The following ZNF500 variants were observed in gnomAD, a reference collection of about 807,000 sequenced individuals.
The protein encoded by ZNF500 is zinc finger protein with KRAB and SCAN domains 18.
ZNF500 carries 31 observed loss-of-function variants against 30.1 expected under a neutral mutation model. That is an observed-to-expected ratio of 1.03 (90% CI 0.77 to 1.39). The LOEUF (loss-of-function observed/expected upper bound fraction) is 1.39, where lower values mean the gene tolerates loss of function less well. Ranked by LOEUF, ZNF500 falls within the 40% of genes most tolerant of loss-of-function variation. The pLI is 0.00. For missense variants in ZNF500, 817 were observed against 657.8 expected, an observed-to-expected ratio of 1.24 and a Z score of -2.65; for synonymous variants, 392 against 282.0, an observed-to-expected ratio of 1.39 and a Z score of -3.91.
intron 2 of ZNF500, 108 bp downstream of exon 2, chr16:4,765,457 G>A (rs1365430464): frequency 6.2e-6 from 9 of 1,460,072 alleles, no homozygotes; most frequent in Admixed American, 2.3e-5. Flanking sequence ...AAGGGCTCAG[G>A]GGCCAGGCAG....
At chr16:4,761,684 A>G (rs1407398958) in intron 4 of ZNF500, among the ~76,000 whole-genome samples, 1 of 149,986 alleles carries the variant, frequency 6.7e-6, no homozygotes, top group Non-Finnish European at 1.5e-5. Context: ...TGTCCCATTA[A>G]AAAAAAAACA....
chr16:4,761,437 T>A (rs1309115933), intron 4 of ZNF500, among the ~76,000 whole-genome samples: 2 of 149,170 alleles, frequency 1.3e-5, no homozygotes, highest in Non-Finnish European at 3.0e-5. Context: ...CAAAACTCTG[T>A]CTCAAAAAAA....
Position 4,751,533 on chromosome 16 carries a change from T to C in ZNF500, c.*843A>G. On this transcript the variant is annotated 3_prime_UTR_variant, in exon 6 of 6. Transcript: ENST00000219478. ...GAATGCTGCAGAGCCCCGGGCTCCA[T>C]TTGGAAACTCTGGCAGGATGAAGAA... 6.6e-7 allele frequency: 1 copy of C among 1,522,544 alleles called. No homozygotes were observed. Among genetic ancestry groups the C allele is most frequent in the Non-Finnish European group, 8.8e-7 (1 of 1,140,686 alleles). The allele number at this position is 1,522,544 out of a possible 1,614,324, so 94.3% of individuals were successfully genotyped here.
At chr16:4,746,891 G>A, downstream of ZNF500, 2 of 1,503,066 alleles carry the variant, frequency 1.3e-6, no homozygotes, top group Non-Finnish European at 1.8e-6. Context: ...ACCAGGTGGA[G>A]TGGGCACATC....
downstream of ZNF500, chr16:4,747,516 G>T (rs762845674): frequency 1.1e-5 from 18 of 1,613,142 alleles, no homozygotes; most frequent in Non-Finnish European, 1.5e-5. Context: ...TGTGCCAAGG[G>T]GCAGAGCGCC....
intron 5 of ZNF500, among the ~76,000 whole-genome samples, chr16:4,757,935 CTT>C (rs1010508210): frequency 7.5e-6 from 1 of 132,508 alleles, no homozygotes; most frequent in Non-Finnish European, 1.6e-5. Context: ...GAGTTTCGCT[CTT>C]GTTGCCCAGG....
At position 4,752,189 on chromosome 16, in the gene ZNF500, C is replaced by G; in HGVS notation, c.*187G>C. On this transcript the variant is annotated 3_prime_UTR_variant, in exon 6 of 6. Transcript: ENST00000219478. ...TGGACACTCAGAGCCTGTCCTTGCCCTTGTTCTGCACCCAGTGCCCAGCTT... is the reference window on the plus strand; with the variant it reads ...TGGACACTCAGAGCCTGTCCTTGCCGTTGTTCTGCACCCAGTGCCCAGCTT... The G allele has an allele frequency of 1.4e-6, 2 of 1,415,056 alleles. No individual in the cohort carries two copies. The highest frequency in any genetic ancestry group is 1.8e-6 in the Non-Finnish European group (2 of 1,090,680). 87.7% of individuals were successfully genotyped at this position (1,415,056 alleles called of 1,614,324 possible).
intron 5 of ZNF500, among the ~76,000 whole-genome samples, chr16:4,759,106 A>T (rs2082170111): frequency 6.6e-6 from 1 of 151,112 alleles, no homozygotes; most frequent in Admixed American, 6.6e-5. Flanking sequence ...CTACTTTGGG[A>T]GGCTGAGGCA....
rs1482752800 is a variant in ZNF500 at position 4,752,830 on chromosome 16, C to A, written c.989G>T (p.Cys330Phe). The A allele has an allele frequency of 2.5e-6, 4 of 1,614,138 alleles. No individual in the cohort carries two copies. The highest frequency in any genetic ancestry group is 1.3e-5 in the African/African-American group (1 of 74,962). ...GADKPYTCPE[C>F]GKGFSKTSHL... Reference sequence around the variant, plus strand: ...GGACGTCTTGCTGAAGCCTTTGCCACATTCGGGGCAGGTGTACGGCTTGTC... The same window carrying A: ...GGACGTCTTGCTGAAGCCTTTGCCAAATTCGGGGCAGGTGTACGGCTTGTC... The change falls in exon 6 of 6, where the codon TGT becomes TTT. Residue 330 changes from cysteine (C) to phenylalanine (F), a missense_variant. By Grantham distance (205) the Cys-to-Phe change is radical (BLOSUM62 -2). Coordinates refer to ENST00000219478, the MANE Select transcript of ZNF500 (RefSeq NM_021646.4).
downstream of ZNF500, chr16:4,747,477 G>C (rs746265671): frequency 6.2e-7 from 1 of 1,613,270 alleles, no homozygotes; most frequent in Non-Finnish European, 8.5e-7. Flanking sequence ...GCTGGATCAC[G>C]AACTGGGAGG....
intron 4 of ZNF500, among the ~76,000 whole-genome samples, chr16:4,761,668 A>C (rs1271131163): frequency 6.6e-6 from 1 of 151,170 alleles, no homozygotes; most frequent in Non-Finnish European, 1.5e-5. Flanking sequence ...CAGCACAGCG[A>C]GACTGTGTCC....
In ZNF500 at chr16:4,752,073, C is replaced by T; in HGVS notation, c.*303G>A. 7.7e-7 allele frequency: 1 copy of T among 1,303,860 alleles called. No individual in the cohort carries two copies. Among genetic ancestry groups the T allele is most frequent in the Non-Finnish European group, 9.7e-7 (1 of 1,028,920 alleles). 80.8% of individuals were successfully genotyped at this position (1,303,860 alleles called of 1,614,324 possible). The stretch of plus-strand genomic sequence containing the variant: ...CCTCCCAGGCCCTTCAGGAGCCAGC[C>T]CCACGAACACCTTGAGTGTCGGCTT... On this transcript the variant is annotated 3_prime_UTR_variant, in exon 6 of 6. Coordinates refer to ENST00000219478, the MANE Select transcript of ZNF500 (RefSeq NM_021646.4).
chr16:4,745,885 C>G (rs930960098), downstream of ZNF500, among the ~76,000 whole-genome samples: 1 of 145,630 alleles, frequency 6.9e-6, no homozygotes, highest in African/African-American at 2.5e-5. Context: ...ACCCAGGAGG[C>G]GGAGGTTGCA....
At position 4,762,566 on chromosome 16, in the gene ZNF500, T is replaced by C. The variant is rs1225382533; in HGVS notation, c.598+7A>G. ...ACTTCTCATTCCTCCAAAGGGGTGCTACTCACCTCTCTCTGGCCACAACAG... is the reference window on the plus strand; with the variant it reads ...ACTTCTCATTCCTCCAAAGGGGTGCCACTCACCTCTCTCTGGCCACAACAG... On this transcript the variant is annotated splice_region_variant and intron_variant, in intron 3 of 5. Coordinates refer to ENST00000219478, the MANE Select transcript of ZNF500 (RefSeq NM_021646.4). 2 of 1,608,858 alleles carry C rather than the reference T, an allele frequency of 1.2e-6. No homozygotes were observed. Among genetic ancestry groups the C allele is most frequent in the Non-Finnish European group, 1.7e-6 (2 of 1,177,380 alleles).
chr16:4,747,155 G>A (rs773794050), downstream of ZNF500: 26 of 1,204,170 alleles, frequency 2.2e-5, no homozygotes, highest in South Asian at 1.9e-4. Context: ...TGAGGGGGAC[G>A]GCACAGCTTT....
At chr16:4,745,912 C>T (rs2082009670), downstream of ZNF500, among the ~76,000 whole-genome samples, 2 of 146,124 alleles carry the variant, frequency 1.4e-5, no homozygotes, top group Admixed American at 7.0e-5. Flanking sequence ...AAGATCATGC[C>T]ACTGCAGTCC....
Position 4,765,611 on chromosome 16 carries a change from A to G in ZNF500, c.368T>C (p.Val123Ala), listed in dbSNP as rs2082256007. Residue 123 changes from valine to alanine, a missense_variant, in exon 2 of 6, where the codon GTC becomes GCC. Coordinates refer to ENST00000219478, the MANE Select transcript of ZNF500 (RefSeq NM_021646.4). ...CTTCCGCTGCAGCCCTTCCACAAGG[A>G]CCACGGCCTCCTCACCGCTCTCCGG... ...QQPESGEEAV[V>A]LVEGLQRKPR... 2 of 1,612,372 alleles carry G rather than the reference A, an allele frequency of 1.2e-6. No homozygotes were observed. The highest frequency in any genetic ancestry group is 2.7e-5 in the African/African-American group (2 of 74,980).
chr16:4,763,613 T>C (rs2082231624), intron 2 of ZNF500: 2 of 985,340 alleles, frequency 2.0e-6, no homozygotes, highest in Non-Finnish European at 2.4e-6. Context: ...TCCACACCTC[T>C]AAGGGAGCGT....
At chr16:4,758,413 G>A (rs549153526) in intron 5 of ZNF500, 258 of 152,316 alleles carry the variant, frequency 1.7e-3, no homozygotes, top group Non-Finnish European at 3.1e-3. Flanking sequence ...CTTGGGAGCC[G>A]GGAGGGCTGG....
Sources: gnomAD v4.1 joint callset for allele counts (sites outside exome capture counted in the v4.1 genomes callset) on GRCh38, gnomAD v4.1.1 for gene constraint, MANE v1.5 for transcripts, NCBI Gene and HGNC (gene_info 2026-07-23, HGNC 2026-07-21) for gene names.